The following MFAP5 variants were observed in gnomAD, a reference collection of about 807,000 sequenced individuals.
MFAP5 encodes microfibril associated protein 5.
A neutral mutation model predicts 30.1 loss-of-function variants in MFAP5; 19 were observed. The observed-to-expected ratio is 0.63, with a 90% CI of 0.44 to 0.93. MFAP5 has a LOEUF of 0.93. MFAP5 is among the 40% of genes least tolerant of loss of function. The probability of loss-of-function intolerance (pLI) is 0.00; values close to 1 mark genes in which losing one functional copy is unlikely to be tolerated. For missense variants in MFAP5, 210 were observed against 221.3 expected, an observed-to-expected ratio of 0.95 and a Z score of 0.32; for synonymous variants, 92 against 72.9, an observed-to-expected ratio of 1.26 and a Z score of -1.33.
intron 3 of MFAP5, among the ~76,000 whole-genome samples, chr12:8,657,601 G>A (rs1244084024): frequency 1.6e-5 from 2 of 122,190 alleles, no homozygotes; most frequent in Admixed American, 1.0e-4. Flanking sequence ...ACGGAGTCTC[G>A]CCCTATCGCC....
At position 8,651,706 on chromosome 12, in the gene MFAP5, T is replaced by C; in HGVS notation, c.218-15A>G. On this transcript the variant is annotated splice_polypyrimidine_tract_variant and intron_variant, in intron 6 of 9. Transcript: ENST00000359478. ...ACTGAGGGAGGCTGAAAGGCAGAAA[T>C]TTTATTCCACTGTTACCAATTCTAG... The C allele has an allele frequency of 6.2e-7, 1 of 1,612,272 alleles. No individual in the cohort carries two copies. Among genetic ancestry groups the C allele is most frequent in the Non-Finnish European group, 8.5e-7 (1 of 1,178,378 alleles).
intron 3 of MFAP5, among the ~76,000 whole-genome samples, chr12:8,657,779 C>T (rs1233690501): frequency 6.6e-6 from 1 of 151,716 alleles, no homozygotes; most frequent in Non-Finnish European, 1.5e-5. Context: ...ACCATGTTGG[C>T]CAGGCTGGTC....
chr12:8,655,779 A>C lies in MFAP5; in HGVS notation c.139+7T>G. 6.2e-7 allele frequency: 1 copy of C among 1,609,484 alleles called. No individual in the cohort carries two copies. The highest frequency in any genetic ancestry group is 1.7e-5 in the Admixed American group (1 of 59,968). ...CAAACAAACAAACAAACAAAAGTGT[A>C]GCTTACTAGGATCTTCTGTGAATGT... On this transcript the variant is annotated splice_region_variant and intron_variant, in intron 4 of 9. Transcript: ENST00000359478.
Position 8,646,275 on chromosome 12 carries a change from G to A in MFAP5, c.*1816C>T, listed in dbSNP as rs71447524. ...ATCAGTTGTACAGATCCCATTAAAC[G>A]AAATTGTTTCTTAACAGCAAGAATC... On this transcript the variant is annotated 3_prime_UTR_variant, in exon 10 of 10. Transcript: ENST00000359478. 1 of 152,150 alleles carries A rather than the reference G, an allele frequency of 6.6e-6. No homozygotes were observed. The highest frequency in any genetic ancestry group is 2.1e-4 in the South Asian group (1 of 4,820). 9.4% of individuals were successfully genotyped at this position (152,150 alleles called of 1,614,324 possible). A position where few individuals can be genotyped will look rare whatever the true frequency, so the allele number is the denominator to read the frequency against.
chr12:8,650,562 G>A lies in MFAP5; in HGVS notation c.275C>T (p.Thr92Ile), dbSNP rs1011897674. ...AECWDEKFTCTRLYSVHRPVK... is the reference protein window; with the variant it reads ...AECWDEKFTCIRLYSVHRPVK... ...CGGCCGATGCACAGAGTAGAGCCTT[G>A]TGCAGGTAAATTTCTCATCCCAGCA... Residue 92 changes from threonine to isoleucine, a missense_variant, in exon 8 of 10, where the codon ACA becomes ATA. Coordinates refer to ENST00000359478, the MANE Select transcript of MFAP5 (RefSeq NM_003480.4). 6.2e-7 allele frequency: 1 copy of A among 1,614,018 alleles called. No individual in the cohort carries two copies. The highest frequency in any genetic ancestry group is 8.5e-7 in the Non-Finnish European group (1 of 1,180,018).
At chr12:8,654,361 G>A in intron 6 of MFAP5, 76 bp downstream of exon 6, 2 of 1,406,990 alleles carry the variant, frequency 1.4e-6, no homozygotes, top group Admixed American at 2.1e-5. Flanking sequence ...TTCAGCAGCT[G>A]CACACTATCC....
chr12:8,651,746 G>C, intron 6 of MFAP5, 55 bp from the exon 7 acceptor site: 3 of 1,506,554 alleles, frequency 2.0e-6, no homozygotes, highest in Non-Finnish European at 2.8e-6. Flanking sequence ...TACTACTTCT[G>C]TAACTGCCAC....
At chr12:8,656,154 G>A (rs1412517144) in intron 3 of MFAP5, among the ~76,000 whole-genome samples, 1 of 149,684 alleles carries the variant, frequency 6.7e-6, no homozygotes, top group African/African-American at 2.5e-5. Flanking sequence ...TCCGCCTCCC[G>A]GGTTCACATC....
intron 7 of MFAP5, among the ~76,000 whole-genome samples, chr12:8,651,099 G>A (rs573570738): frequency 2.0e-5 from 3 of 152,014 alleles, no homozygotes; most frequent in Admixed American, 6.6e-5. Context: ...CCTGGGAGGC[G>A]GAGGTTGCAG....
At position 8,655,843 on chromosome 12, in the gene MFAP5, T is replaced by C; in HGVS notation, c.95-13A>G. On this transcript the variant is annotated splice_polypyrimidine_tract_variant and intron_variant, in intron 3 of 9. Transcript: ENST00000359478. ...TGAGTCACATCGTCTGAAAAGAAAA[T>C]TAGAAAACAATTTCTGAGATTCTCT... is the stretch of plus-strand genomic sequence containing the variant. 1.3e-6 allele frequency: 2 copies of C among 1,595,562 alleles called. No homozygotes were observed. The highest frequency in any genetic ancestry group is 1.7e-6 in the Non-Finnish European group (2 of 1,168,564).
In MFAP5 at chr12:8,649,674, C is replaced by T. The variant is rs748680539; in HGVS notation, c.336-100G>A. ...GGATGCCTCTTCAACTCTCATATTC[C>T]CCACTTTCCCTATCTGCTTTTCCCC... On this transcript the variant is annotated intron_variant, in intron 8 of 9. Transcript: ENST00000359478. 5 of 828,292 alleles carry T rather than the reference C, an allele frequency of 6.0e-6. No individual in the cohort carries two copies. In the East Asian group the frequency reaches 7.5e-5, roughly 12 times the overall value. The allele number at this position is 828,292 out of a possible 1,614,324, so 51.3% of individuals were successfully genotyped here. A position where few individuals can be genotyped will look rare whatever the true frequency, so the allele number is the denominator to read the frequency against.
At chr12:8,648,336 G>T in intron 9 of MFAP5, 133 bp from the exon 10 acceptor site, 1 of 909,188 alleles carries the variant, frequency 1.1e-6, no homozygotes. Context: ...GTTTTAACCA[G>T]CTCTGCCACT....
chr12:8,656,666 A>ATTTTTTTTT (rs1465516929), intron 3 of MFAP5, among the ~76,000 whole-genome samples: 10 of 121,322 alleles, frequency 8.2e-5, no homozygotes, highest in African/African-American at 3.5e-4. Flanking sequence ...ATATATATAT[A>ATTTTTTTTT]TATTTTTTTT....
At position 8,656,288 on chromosome 12, in the gene MFAP5, A is replaced by T. The variant is rs764671663; in HGVS notation, c.95-458T>A. On this transcript the variant is annotated intron_variant, in intron 3 of 9. Coordinates refer to ENST00000359478, the MANE Select transcript of MFAP5 (RefSeq NM_003480.4). ...TGGTCTCGATCTCCTGACCTCGTGA[A>T]CCGCCCCCCTCGGCCTCCCAAAGTG... is the stretch of plus-strand genomic sequence containing the variant. 3.6e-3 allele frequency among the ~76,000 whole-genome samples: 551 copies of T among 151,098 alleles called. 1 individual carries two copies. Among genetic ancestry groups the T allele is most frequent in the South Asian group, 0.012 (58 of 4,766 alleles).
rs11359613 is a variant in MFAP5 at position 8,656,059 on chromosome 12, C to CT, written c.95-230dup. On this transcript the variant is annotated intron_variant, in intron 3 of 9. Coordinates refer to ENST00000359478, the MANE Select transcript of MFAP5 (RefSeq NM_003480.4). ...CATTGTGATTTTGACATTCATAATTCTTTTTTTTTTTTTTTTTTTGAGACG... is the reference window on the plus strand; with the variant it reads ...CATTGTGATTTTGACATTCATAATTCTTTTTTTTTTTTTTTTTTTTGAGACG... 3.6e-3 allele frequency among the ~76,000 whole-genome samples: 412 copies of CT among 113,822 alleles called. 4 individuals carry two copies. Among genetic ancestry groups the CT allele is most frequent in the South Asian group, 8.0e-3 (28 of 3,518 alleles). The allele number at this position is 113,822 out of a possible 152,430, so 74.7% of individuals were successfully genotyped here.
chr12:8,659,710 C>T (rs1942095494), intron 3 of MFAP5, among the ~76,000 whole-genome samples: 1 of 151,980 alleles, frequency 6.6e-6, no homozygotes, highest in Non-Finnish European at 1.5e-5. Context: ...TGTACCAGGA[C>T]CCACTGCAAG....
intron 7 of MFAP5, 36 bp downstream of exon 7, chr12:8,651,626 A>G: frequency 3.1e-6 from 5 of 1,609,706 alleles, no homozygotes; most frequent in Non-Finnish European, 4.3e-6. Context: ...CAGGAAGAAA[A>G]AAAGGCTTAA....
chr12:8,651,498 A>G (rs968178679), intron 7 of MFAP5, among the ~76,000 whole-genome samples, 164 bp downstream of exon 7: 18 of 152,184 alleles, frequency 1.2e-4, no homozygotes, highest in African/African-American at 4.1e-4. Flanking sequence ...ACAGGTGCTC[A>G]TTTTTTTAAA....
chr12:8,653,146 C>T (rs1400700961), intron 6 of MFAP5, among the ~76,000 whole-genome samples: 4 of 150,638 alleles, frequency 2.7e-5, no homozygotes, highest in East Asian at 3.9e-4. Flanking sequence ...GAGCCAAGAT[C>T]GCGCTATTGC....
Sources: allele counts gnomAD v4.1 joint callset (sites outside exome capture counted in the v4.1 genomes callset), GRCh38; gene constraint gnomAD v4.1.1; transcripts MANE v1.5; gene names NCBI Gene and HGNC (gene_info 2026-07-23, HGNC 2026-07-21).